Variants in STK33 observed in about 807,000 individuals in gnomAD.
STK33 encodes the protein serine/threonine-protein kinase 33.
A neutral mutation model predicts 58.0 loss-of-function variants in STK33; 52 were observed. The observed-to-expected ratio is 0.90, with a 90% CI of 0.72 to 1.13. STK33 has a LOEUF of 1.13. Ranked by LOEUF, STK33 falls within the 50% of genes most tolerant of loss-of-function variation. STK33 has a pLI of 0.00. For synonymous variants in STK33, 215 were observed against 200.1 expected (o/e 1.07, Z -0.63); for missense variants, 630 against 604.2 (o/e 1.04, Z -0.45).
At chr11:8,457,243 TGTTA>T in intron 9 of STK33, 94 bp downstream of exon 9, 3 of 1,069,616 alleles carry the variant, frequency 2.8e-6, no homozygotes, top group Non-Finnish European at 3.8e-6. Flanking sequence ...TATTAGCAGG[TGTTA>T]TTTATATGAC....
chr11:8,372,031 A>T, the STK33 span, among the ~76,000 whole-genome samples: 1 of 151,706 alleles, frequency 6.6e-6, no homozygotes, highest in African/African-American at 2.4e-5. Flanking sequence ...ACCCACACCT[A>T]GCTAATATTT....
rs1955787741 is a variant in STK33 at position 8,544,744 on chromosome 11, CTT to C, written c.-466+49337_-466+49338del. Among the ~76,000 whole-genome samples, 8 of 152,114 alleles carry C rather than the reference CTT, an allele frequency of 5.3e-5. 1 individual carries two copies. In the South Asian group the frequency reaches 1.7e-3, roughly 31 times the overall value. ...GGGAAAACAATATAACTAAAAGAGACTTATTTTTAAAATGCTTCTAGCCAAAA... is the reference window on the plus strand; with the variant it reads ...GGGAAAACAATATAACTAAAAGAGACATTTTTAAAATGCTTCTAGCCAAAA... On this transcript the variant is annotated intron_variant, in intron 1 of 15. Coordinates refer to ENST00000687296, the MANE Select transcript of STK33 (RefSeq NM_001352389.2).
chr11:8,519,383 A>C (rs1445808486), intron 1 of STK33, among the ~76,000 whole-genome samples: 1 of 152,242 alleles, frequency 6.6e-6, no homozygotes, highest in Non-Finnish European at 1.5e-5. Context: ...CCCACAAGAG[A>C]AAGCAGGAAG....
intron 12 of STK33, among the ~76,000 whole-genome samples, chr11:8,437,363 T>A (rs1296446386): frequency 6.6e-6 from 1 of 152,160 alleles, no homozygotes; most frequent in African/African-American, 2.4e-5. Flanking sequence ...TAACACAATA[T>A]CAACAAATGT....
chr11:8,534,876 T>C (rs1220603063), intron 1 of STK33, among the ~76,000 whole-genome samples: 2 of 152,096 alleles, frequency 1.3e-5, no homozygotes, highest in African/African-American at 4.8e-5. Flanking sequence ...AAGGCTGCCA[T>C]TGAAAGGACT....
chr11:8,568,062 G>A (rs1957563897), intron 1 of STK33, among the ~76,000 whole-genome samples: 1 of 152,108 alleles, frequency 6.6e-6, no homozygotes. Flanking sequence ...GCATAAAATT[G>A]AAAGATGGTC....
chr11:8,395,499 C>T (rs936605426), intron 15 of STK33, among the ~76,000 whole-genome samples: 1 of 152,154 alleles, frequency 6.6e-6, no homozygotes, highest in African/African-American at 2.4e-5. Context: ...TGAGAACAGA[C>T]AAATACATTC....
chr11:8,510,259 T>A (rs549041382), intron 1 of STK33, among the ~76,000 whole-genome samples: 1 of 152,330 alleles, frequency 6.6e-6, no homozygotes, highest in East Asian at 1.9e-4. Flanking sequence ...TTAGTGATGT[T>A]GAGCATTTTT....
intron 1 of STK33, among the ~76,000 whole-genome samples, chr11:8,496,272 C>T (rs1373137774): frequency 6.6e-6 from 1 of 152,086 alleles, no homozygotes; most frequent in African/African-American, 2.4e-5. Flanking sequence ...TTAACTTTGC[C>T]ATACACTTTG....
chr11:8,524,223 T>G (rs1198692145), intron 1 of STK33, among the ~76,000 whole-genome samples: 1 of 152,292 alleles, frequency 6.6e-6, no homozygotes, highest in East Asian at 1.9e-4. Context: ...GAGACCCTTA[T>G]TCACATGTTT....
chr11:8,425,896 A>C (rs1049004505), intron 14 of STK33, among the ~76,000 whole-genome samples: 1 of 152,116 alleles, frequency 6.6e-6, no homozygotes, highest in African/African-American at 2.4e-5. Context: ...GGGAGGATGC[A>C]GATGGGCACA....
intron 1 of STK33, among the ~76,000 whole-genome samples, chr11:8,511,502 T>A (rs558802988): frequency 2.0e-4 from 30 of 152,278 alleles, no homozygotes; most frequent in Admixed American, 2.0e-3. Context: ...TGGCTAGGAT[T>A]TCCAGTACTA....
chr11:8,398,723 C>G (rs551787379), intron 15 of STK33, among the ~76,000 whole-genome samples: 1 of 151,002 alleles, frequency 6.6e-6, no homozygotes, highest in Non-Finnish European at 1.5e-5. Context: ...ACTCATCTCA[C>G]GTGCAGAGAC....
At chr11:8,495,057 A>G (rs1315303004) in intron 1 of STK33, among the ~76,000 whole-genome samples, 8 of 152,200 alleles carry the variant, frequency 5.3e-5, no homozygotes, top group Non-Finnish European at 8.8e-5. Flanking sequence ...TGACTAAAAC[A>G]CCAACAGCAA....
chr11:8,495,340 G>T (rs1175591371), intron 1 of STK33, among the ~76,000 whole-genome samples: 3 of 151,958 alleles, frequency 2.0e-5, no homozygotes, highest in African/African-American at 7.3e-5. Context: ...ACAAACATAT[G>T]AAAAAAAATC....
the STK33 span, among the ~76,000 whole-genome samples, chr11:8,338,211 C>G: frequency 9.9e-5 from 15 of 152,134 alleles, no homozygotes; most frequent in African/African-American, 3.1e-4. Context: ...GCCAGCATAC[C>G]GGCTTCTGTG....
chr11:8,372,647 G>A, the STK33 span, among the ~76,000 whole-genome samples: 1 of 152,268 alleles, frequency 6.6e-6, no homozygotes, highest in Admixed American at 6.5e-5. Context: ...AGGGCGGCTA[G>A]TCCTGAGTTC....
chr11:8,411,761 T>C (rs75984183), intron 15 of STK33, among the ~76,000 whole-genome samples: 4,269 of 152,300 alleles, frequency 0.028, 99 homozygotes, highest in Middle Eastern at 0.051. Context: ...GAACTCTGAC[T>C]ATGGAAAAAT....
At chr11:8,401,774 G>GA (rs1163656240) in intron 15 of STK33, among the ~76,000 whole-genome samples, 8 of 151,854 alleles carry the variant, frequency 5.3e-5, no homozygotes, top group Non-Finnish European at 1.0e-4. Flanking sequence ...AAATTTACAA[G>GA]AAAAAACAAC....
Sources: allele counts gnomAD v4.1 joint callset (sites outside exome capture counted in the v4.1 genomes callset), GRCh38; gene constraint gnomAD v4.1.1; transcripts MANE v1.5; gene names NCBI Gene and HGNC (gene_info 2026-07-23, HGNC 2026-07-21).